The following VWC2L variants were observed in gnomAD, a reference collection of about 807,000 sequenced individuals.
VWC2L encodes von Willebrand factor C domain-containing protein 2-like.
VWC2L carries 10 observed loss-of-function variants against 21.6 expected under a neutral mutation model. The observed-to-expected ratio is 0.46, with a 90% CI of 0.29 to 0.78. VWC2L has a LOEUF of 0.78. Among genes scored for constraint, VWC2L ranks in the 30% least tolerant of loss-of-function variants. The probability of loss-of-function intolerance (pLI) is 0.10; values close to 1 mark genes in which losing one functional copy is unlikely to be tolerated. For missense variants in VWC2L, 209 were observed against 277.1 expected (o/e 0.75, Z 1.74); for synonymous variants, 96 against 94.3 (o/e 1.02, Z -0.10).
intron 3 of VWC2L, among the ~76,000 whole-genome samples, chr2:214,474,398 A>C (rs1324096154): frequency 6.6e-6 from 1 of 152,136 alleles, no homozygotes; most frequent in Non-Finnish European, 1.5e-5. Context: ...AAGTGAAGTC[A>C]ATGAGACTTT....
At chr2:214,416,346 G>A (rs1040492566) in intron 2 of VWC2L, among the ~76,000 whole-genome samples, 11 of 151,810 alleles carry the variant, frequency 7.2e-5, no homozygotes, top group South Asian at 2.1e-4. Flanking sequence ...ACCCCTTCTC[G>A]TTATAACCCT....
At chr2:214,504,788 G>A (rs1054743534) in intron 3 of VWC2L, among the ~76,000 whole-genome samples, 1 of 152,188 alleles carries the variant, frequency 6.6e-6, no homozygotes, top group Non-Finnish European at 1.5e-5. Flanking sequence ...CTGTTGGGCA[G>A]CCTGGAGATG....
chr2:214,511,441 G>T (rs957444231), intron 3 of VWC2L, among the ~76,000 whole-genome samples: 1 of 152,076 alleles, frequency 6.6e-6, no homozygotes, highest in Non-Finnish European at 1.5e-5. Flanking sequence ...TAAGGGTGGG[G>T]CCCTAATGCC....
At chr2:214,501,536 AC>A (rs1424386266) in intron 3 of VWC2L, among the ~76,000 whole-genome samples, 1 of 152,112 alleles carries the variant, frequency 6.6e-6, no homozygotes, top group Non-Finnish European at 1.5e-5. Context: ...AGCCTGGCCA[AC>A]ATGGTGAAAC....
intron 1 of VWC2L, among the ~76,000 whole-genome samples, chr2:214,412,090 C>T (rs1180460064): frequency 1.3e-5 from 2 of 150,690 alleles, no homozygotes; most frequent in Non-Finnish European, 3.0e-5. Flanking sequence ...TGTTTTTTAC[C>T]ATGCAGATTT....
intron 1 of VWC2L, among the ~76,000 whole-genome samples, chr2:214,413,561 G>T (rs1702309372): frequency 6.6e-6 from 1 of 152,056 alleles, no homozygotes; most frequent in African/African-American, 2.4e-5. Context: ...TGACGCCATT[G>T]TTGTTCTTTA....
chr2:214,538,175 A>C (rs1213017836), intron 3 of VWC2L, among the ~76,000 whole-genome samples: 1 of 152,086 alleles, frequency 6.6e-6, no homozygotes, highest in Non-Finnish European at 1.5e-5. Context: ...AGACTGAGAG[A>C]CAGACTGAGC....
Position 214,430,242 on chromosome 2 carries a change from T to C in VWC2L, c.391-6387T>C, listed in dbSNP as rs1702579956. Reference sequence around the variant, plus strand: ...TTTACTTGATAATTAATAATTACAATTGGGTACTTCATCAGTTGTTTTCCA... The same window carrying C: ...TTTACTTGATAATTAATAATTACAACTGGGTACTTCATCAGTTGTTTTCCA... On this transcript the variant is annotated intron_variant, in intron 2 of 3. Transcript: ENST00000312504. Among the ~76,000 whole-genome samples, 5 of 152,326 alleles carry C rather than the reference T, an allele frequency of 3.3e-5. No homozygotes were observed. In the South Asian group the frequency reaches 1.0e-3, roughly 32 times the overall value.
chr2:214,500,691 T>G (rs1688879176), intron 3 of VWC2L, among the ~76,000 whole-genome samples: 1 of 152,266 alleles, frequency 6.6e-6, no homozygotes, highest in South Asian at 2.1e-4. Flanking sequence ...TATTTTTACC[T>G]GTATACATTG....
intron 3 of VWC2L, among the ~76,000 whole-genome samples, chr2:214,495,108 C>CT (rs1035029838): frequency 1.3e-5 from 2 of 152,098 alleles, no homozygotes; most frequent in African/African-American, 4.8e-5. Context: ...ATTGTTCTTG[C>CT]TTTTTTTATA....
chr2:214,575,034 T>C (rs76408193), intron 3 of VWC2L, among the ~76,000 whole-genome samples: 1 of 118,460 alleles, frequency 8.4e-6, no homozygotes, highest in Non-Finnish European at 1.8e-5. Flanking sequence ...GGTCATTCTT[T>C]AAAAAAAAAA....
At chr2:214,429,337 T>C (rs975717747) in intron 2 of VWC2L, among the ~76,000 whole-genome samples, 1 of 152,226 alleles carries the variant, frequency 6.6e-6, no homozygotes, top group African/African-American at 2.4e-5. Flanking sequence ...CAATCCAGCT[T>C]GTCAGTGAAG....
At chr2:214,415,074 A>G (rs1450676716) in intron 2 of VWC2L, 1 of 156,206 alleles carries the variant, frequency 6.4e-6, no homozygotes. Flanking sequence ...AAGAAAATGC[A>G]TTGGGCCTAC....
At chr2:214,482,432 C>T (rs1396165078) in intron 3 of VWC2L, among the ~76,000 whole-genome samples, 2 of 151,698 alleles carry the variant, frequency 1.3e-5, no homozygotes, top group Middle Eastern at 3.2e-3. Flanking sequence ...TTTTCTGTCT[C>T]TCCAAACTGG....
At chr2:214,428,052 G>A (rs4638796) in intron 2 of VWC2L, among the ~76,000 whole-genome samples, 34,873 of 151,994 alleles carry the variant, frequency 0.23, 4,821 homozygotes, top group African/African-American at 0.39. Flanking sequence ...AATTTAATAA[G>A]AATAAGTTAT....
In VWC2L at chr2:214,411,253, G is replaced by A. The variant is rs1574549219; in HGVS notation, c.-614G>A. ...ACATCCACAGTTAGTATTTTCCGGT[G>A]TGTAAGAGGGGATTCAAGCAACACA... is the stretch of plus-strand genomic sequence containing the variant. On this transcript the variant is annotated 5_prime_UTR_variant, in exon 1 of 4. The change creates a new upstream start codon in the 5' untranslated region. Transcript: ENST00000312504. 6.6e-6 allele frequency: 1 copy of A among 152,238 alleles called. No homozygotes were observed. The highest frequency in any genetic ancestry group is 2.4e-5 in the African/African-American group (1 of 41,460). 9.4% of individuals were successfully genotyped at this position (152,238 alleles called of 1,614,324 possible). A position where few individuals can be genotyped will look rare whatever the true frequency, so the allele number is the denominator to read the frequency against.
At position 214,533,732 on chromosome 2, in the gene VWC2L, T is replaced by C. The variant is rs981101079; in HGVS notation, c.521-41940T>C. 2.0e-5 allele frequency among the ~76,000 whole-genome samples: 3 copies of C among 152,278 alleles called. No homozygotes were observed. The East Asian group carries it at 5.8e-4, about 29-fold the overall frequency. Reference sequence around the variant, plus strand: ...CTAGTCATAAACACAGACATTTTTCTGGTTTCAGTCAACCGAATAAAGAAA... The same window carrying C: ...CTAGTCATAAACACAGACATTTTTCCGGTTTCAGTCAACCGAATAAAGAAA... On this transcript the variant is annotated intron_variant, in intron 3 of 3. Transcript: ENST00000312504.
chr2:214,542,085 G>A (rs1301631031), intron 3 of VWC2L, among the ~76,000 whole-genome samples: 2 of 152,140 alleles, frequency 1.3e-5, no homozygotes, highest in Non-Finnish European at 1.5e-5. Flanking sequence ...GCTGATGACA[G>A]TCTGCCTGGC....
chr2:214,456,072 G>A (rs1422842390), intron 3 of VWC2L, among the ~76,000 whole-genome samples: 1 of 152,072 alleles, frequency 6.6e-6, no homozygotes, highest in Non-Finnish European at 1.5e-5. Context: ...GAATTGCTGG[G>A]TCATATATTA....
Sources: gnomAD v4.1 joint callset for allele counts (sites outside exome capture counted in the v4.1 genomes callset) on GRCh38, gnomAD v4.1.1 for gene constraint, MANE v1.5 for transcripts, NCBI Gene and HGNC (gene_info 2026-07-23, HGNC 2026-07-21) for gene names.